ANO2: variants seen among roughly 807,000 people sequenced by gnomAD.
The protein encoded by ANO2 is anoctamin 2.
Under a neutral mutation model 124.2 loss-of-function variants are expected in ANO2, and 101 were observed. The ratio of observed to expected loss-of-function variants is 0.81; its 90% CI spans 0.69 to 0.96. The LOEUF (loss-of-function observed/expected upper bound fraction) is 0.96, where lower values mean the gene tolerates loss of function less well. Ranked by LOEUF, ANO2 falls within the 40% of genes least tolerant of loss-of-function variation. The pLI is 0.00. For missense variants in ANO2, 1,293 were observed against 1,274.5 expected, an observed-to-expected ratio of 1.01 and a Z score of -0.22; for synonymous variants, 486 against 482.5, an observed-to-expected ratio of 1.01 and a Z score of -0.09.
chr12:5,741,611 A>G (rs1221004338), intron 12 of ANO2, among the ~76,000 whole-genome samples: 1 of 152,114 alleles, frequency 6.6e-6, no homozygotes, highest in Non-Finnish European at 1.5e-5. Flanking sequence ...GAGGGGCAAA[A>G]GAGTCATGGA....
At chr12:5,839,604 C>T (rs1954445919) in intron 4 of ANO2, 2 of 455,764 alleles carry the variant, frequency 4.4e-6, no homozygotes, top group Admixed American at 2.3e-5. Context: ...TGGGTACCTC[C>T]TAGATGTCCA....
intron 14 of ANO2, among the ~76,000 whole-genome samples, chr12:5,664,090 A>T (rs1947580387): frequency 6.6e-6 from 1 of 152,234 alleles, no homozygotes; most frequent in Non-Finnish European, 1.5e-5. Flanking sequence ...AAATTCATAC[A>T]TGAGTGCTTA....
At chr12:5,770,136 C>T (rs1386652310) in intron 10 of ANO2, among the ~76,000 whole-genome samples, 2 of 152,202 alleles carry the variant, frequency 1.3e-5, no homozygotes, top group Admixed American at 6.5e-5. Flanking sequence ...TACTAGGCCA[C>T]ATGACAGAAG....
At chr12:5,786,238 G>A (rs1331950338) in intron 10 of ANO2, among the ~76,000 whole-genome samples, 1 of 152,076 alleles carries the variant, frequency 6.6e-6, no homozygotes, top group African/African-American at 2.4e-5. Flanking sequence ...AAGAACCATA[G>A]GAAGTTAGTC....
rs994053593 is a variant in ANO2 at position 5,649,062 on chromosome 12, T to C, written c.1546-1261A>G. Among the ~76,000 whole-genome samples the C allele has an allele frequency of 1.1e-4, 17 of 152,154 alleles. No homozygotes were observed. In the East Asian group the frequency reaches 1.2e-3, roughly 10 times the overall value. On this transcript the variant is annotated intron_variant, in intron 14 of 24. Transcript: ENST00000682330. ...ACGCACAGTGGGAGACAGAAGAAAA[T>C]TGACATGATCACTACTCCTGGGGAG...
chr12:5,824,067 C>A (rs1383402790), intron 7 of ANO2, among the ~76,000 whole-genome samples: 1 of 152,158 alleles, frequency 6.6e-6, no homozygotes, highest in Non-Finnish European at 1.5e-5. Context: ...TGGGCCCAGC[C>A]CATGAAACCA....
intron 10 of ANO2, among the ~76,000 whole-genome samples, chr12:5,792,408 T>C (rs1952724641): frequency 1.3e-5 from 2 of 152,240 alleles, no homozygotes; most frequent in South Asian, 4.1e-4. Flanking sequence ...TCACATTACT[T>C]TTCCTTCTGT....
intron 23 of ANO2, among the ~76,000 whole-genome samples, chr12:5,566,595 A>C (rs1394661242): frequency 2.6e-5 from 4 of 152,188 alleles, no homozygotes; most frequent in Admixed American, 2.6e-4. Context: ...TCAGGCCACC[A>C]AGCAATGATA....
chr12:5,735,601 A>G (rs1950826776), intron 13 of ANO2, among the ~76,000 whole-genome samples: 1 of 152,236 alleles, frequency 6.6e-6, no homozygotes, highest in African/African-American at 2.4e-5. Context: ...GAAGAAATAA[A>G]GCAGAATGGC....
intron 14 of ANO2, among the ~76,000 whole-genome samples, chr12:5,701,712 A>T (rs115417517): frequency 0.019 from 2,931 of 152,316 alleles, 99 homozygotes; most frequent in African/African-American, 0.065. Context: ...CTTAAACTGC[A>T]TTGAAACGGG....
chr12:5,724,054 C>T (rs937194774), intron 14 of ANO2, among the ~76,000 whole-genome samples: 1 of 152,098 alleles, frequency 6.6e-6, no homozygotes, highest in African/African-American at 2.4e-5. Context: ...ACAAAGGTCC[C>T]AGGTATCCTA....
At chr12:5,811,700 C>G (rs1953395255) in intron 7 of ANO2, among the ~76,000 whole-genome samples, 1 of 152,064 alleles carries the variant, frequency 6.6e-6, no homozygotes, top group South Asian at 2.1e-4. Flanking sequence ...AAAAGTTATT[C>G]AATAGTAAAG....
chr12:5,726,338 C>T (rs1950438414), intron 14 of ANO2, among the ~76,000 whole-genome samples: 1 of 152,164 alleles, frequency 6.6e-6, no homozygotes, highest in African/African-American at 2.4e-5. Flanking sequence ...TACACAAAAC[C>T]ACTAATGTGG....
intron 14 of ANO2, among the ~76,000 whole-genome samples, chr12:5,653,234 A>T (rs371609): frequency 0.42 from 63,555 of 151,680 alleles, 15,358 homozygotes; most frequent in African/African-American, 0.65. Context: ...CCACTTCATT[A>T]TCATCATCTG....
At chr12:5,808,187 G>A (rs527711819) in intron 7 of ANO2, among the ~76,000 whole-genome samples, 1 of 152,340 alleles carries the variant, frequency 6.6e-6, no homozygotes, top group South Asian at 2.1e-4. Context: ...AGACCAAAAA[G>A]TTTGAAAACT....
intron 10 of ANO2, among the ~76,000 whole-genome samples, chr12:5,777,308 T>C (rs573616328): frequency 3.3e-5 from 5 of 152,254 alleles, no homozygotes; most frequent in South Asian, 2.1e-4. Flanking sequence ...GTATGCCTCA[T>C]TGAGCTCTGC....
intron 10 of ANO2, among the ~76,000 whole-genome samples, chr12:5,767,478 GGAGT>G (rs1951932654): frequency 6.6e-6 from 1 of 152,188 alleles, no homozygotes; most frequent in Non-Finnish European, 1.5e-5. Context: ...TGGTGAATAA[GGAGT>G]GAGTATTGGA....
At chr12:5,576,259 C>T (rs1011733126) in intron 22 of ANO2, among the ~76,000 whole-genome samples, 2 of 152,184 alleles carry the variant, frequency 1.3e-5, no homozygotes, top group South Asian at 4.1e-4. Flanking sequence ...GCAAAGCATG[C>T]TAAGTCAATT....
At chr12:5,875,284 TGA>T (rs1457385099) in intron 3 of ANO2, among the ~76,000 whole-genome samples, 1 of 152,214 alleles carries the variant, frequency 6.6e-6, no homozygotes, top group Non-Finnish European at 1.5e-5. Context: ...GGACAGACCA[TGA>T]GATACTAAGA....
Sources: allele counts gnomAD v4.1 joint callset (sites outside exome capture counted in the v4.1 genomes callset), GRCh38; gene constraint gnomAD v4.1.1; transcripts MANE v1.5; gene names NCBI Gene and HGNC (gene_info 2026-07-23, HGNC 2026-07-21).